Variants in ARL15 observed in about 807,000 individuals in gnomAD.
ARL15 encodes ADP-ribosylation factor-like protein 15.
ARL15 carries 19 observed loss-of-function variants against 25.2 expected under a neutral mutation model. The ratio of observed to expected loss-of-function variants is 0.75; its 90% confidence interval spans 0.53 to 1.10. ARL15 has a LOEUF of 1.10. ARL15 is among the 50% of genes least tolerant of loss of function. The pLI is 0.00. For missense variants in ARL15, 220 were observed against 246.0 expected (o/e 0.89, Z 0.71); for synonymous variants, 94 against 86.8 (o/e 1.08, Z -0.46).
intron 3 of ARL15, among the ~76,000 whole-genome samples, chr5:54,151,811 TG>T (rs1754077533): frequency 1.3e-5 from 2 of 152,154 alleles, no homozygotes; most frequent in Admixed American, 6.5e-5. Context: ...AAATAGATAA[TG>T]AGCACAGGTT....
At chr5:54,094,964 G>A (rs72750254) in intron 4 of ARL15, among the ~76,000 whole-genome samples, 9,431 of 152,292 alleles carry the variant, frequency 0.062, 415 homozygotes, top group Non-Finnish European at 0.09. Context: ...CTGACATAGA[G>A]ATGTGGCACA....
At chr5:54,182,440 T>C (rs1755087427) in intron 1 of ARL15, among the ~76,000 whole-genome samples, 1 of 150,976 alleles carries the variant, frequency 6.6e-6, no homozygotes, top group Non-Finnish European at 1.5e-5. Context: ...CTCAGGTTTG[T>C]CAAAGATCAG....
At chr5:53,972,142 T>C (rs1456311913) in intron 4 of ARL15, among the ~76,000 whole-genome samples, 1 of 152,082 alleles carries the variant, frequency 6.6e-6, no homozygotes, top group African/African-American at 2.4e-5. Context: ...CCTAATAAAT[T>C]TGGAAAGAGT....
At chr5:54,228,010 A>C (rs375294031) in intron 1 of ARL15, among the ~76,000 whole-genome samples, 102 of 152,320 alleles carry the variant, frequency 6.7e-4, no homozygotes, top group African/African-American at 2.3e-3. Context: ...CAAGAGAAAG[A>C]CAAGATAGAA....
At chr5:54,042,052 C>A (rs2111949504) in intron 4 of ARL15, among the ~76,000 whole-genome samples, 1 of 151,608 alleles carries the variant, frequency 6.6e-6, no homozygotes, top group South Asian at 2.1e-4. Flanking sequence ...CTCACCGCAA[C>A]CTCTGCCTCC....
rs974750914 is a variant in ARL15 at position 54,290,970 on chromosome 5, T to G, written c.48+19462A>C. Among the ~76,000 whole-genome samples the G allele has an allele frequency of 2.0e-5, 3 of 152,330 alleles. No homozygotes were observed. In the East Asian group the frequency reaches 5.8e-4, roughly 29 times the overall value. On this transcript the variant is annotated intron_variant, in intron 1 of 4. Transcript: ENST00000504924. Reference sequence around the variant, plus strand: ...TCAAAATATTCAAATGGCCAACCCCTTTTACTGAATCAGTACTTCTATATT... The same window carrying G: ...TCAAAATATTCAAATGGCCAACCCCGTTTACTGAATCAGTACTTCTATATT...
At chr5:54,029,152 C>G (rs1262070020) in intron 4 of ARL15, among the ~76,000 whole-genome samples, 1 of 152,118 alleles carries the variant, frequency 6.6e-6, no homozygotes, top group Non-Finnish European at 1.5e-5. Context: ...TTTACTTGCC[C>G]TATAACCTTG....
chr5:54,269,111 A>G (rs1757708600), intron 1 of ARL15, among the ~76,000 whole-genome samples: 1 of 152,112 alleles, frequency 6.6e-6, no homozygotes. Flanking sequence ...TAGGAGATAT[A>G]CCTAATGCTA....
At chr5:54,104,399 A>C (rs1407857725) in intron 4 of ARL15, among the ~76,000 whole-genome samples, 1 of 152,184 alleles carries the variant, frequency 6.6e-6, no homozygotes, top group Non-Finnish European at 1.5e-5. Context: ...GCGCCTGTTA[A>C]AATGTTTCAA....
At chr5:54,090,705 A>G (rs72750252) in intron 4 of ARL15, among the ~76,000 whole-genome samples, 15,034 of 152,158 alleles carry the variant, frequency 0.099, 966 homozygotes, top group Non-Finnish European at 0.15. Flanking sequence ...GGAGGGAGAG[A>G]GGAGGATAGG....
chr5:54,243,315 C>A (rs138698461), intron 1 of ARL15, among the ~76,000 whole-genome samples: 1 of 152,130 alleles, frequency 6.6e-6, no homozygotes, highest in Non-Finnish European at 1.5e-5. Context: ...TAGATGTAAT[C>A]TAGGAAAACT....
At position 53,961,371 on chromosome 5, in the gene ARL15, G is replaced by A. The variant is rs574416898; in HGVS notation, c.463-74658C>T. ...AAATTAGCCAGGTATGGTGGCACAC[G>A]CCTGTAGTCCCAGCTACTCGGGAGG... On this transcript the variant is annotated intron_variant, in intron 4 of 4. Transcript: ENST00000504924. 1.6e-3 allele frequency among the ~76,000 whole-genome samples: 248 copies of A among 151,816 alleles called. 2 individuals are homozygous for A. The highest frequency in any genetic ancestry group is 2.4e-3 in the Non-Finnish European group (161 of 67,912).
At chr5:54,099,407 CCG>C in intron 4 of ARL15, among the ~76,000 whole-genome samples, 1 of 152,028 alleles carries the variant, frequency 6.6e-6, no homozygotes, top group Non-Finnish European at 1.5e-5. Flanking sequence ...AAATTTCTGC[CCG>C]CAATACCACA....
chr5:54,101,452 C>A (rs1005226991), intron 4 of ARL15, among the ~76,000 whole-genome samples: 1 of 151,510 alleles, frequency 6.6e-6, no homozygotes, highest in Non-Finnish European at 1.5e-5. Context: ...ATTGCTTCAA[C>A]AAAATTATTT....
intron 2 of ARL15, among the ~76,000 whole-genome samples, chr5:54,170,043 T>C (rs780872605): frequency 5.9e-5 from 9 of 152,166 alleles, no homozygotes; most frequent in Non-Finnish European, 1.2e-4. Flanking sequence ...AAAGCTGACG[T>C]GAACTGAAGT....
At chr5:54,149,504 T>G (rs1475869014) in intron 3 of ARL15, among the ~76,000 whole-genome samples, 1 of 152,194 alleles carries the variant, frequency 6.6e-6, no homozygotes. Flanking sequence ...AGTGAGAGTA[T>G]GATCATTATA....
chr5:54,119,397 TG>T (rs907681487), intron 3 of ARL15, among the ~76,000 whole-genome samples: 3 of 152,096 alleles, frequency 2.0e-5, no homozygotes, highest in African/African-American at 7.2e-5. Context: ...CCCTTGAACT[TG>T]GATTTCCTAG....
At chr5:54,117,307 G>A (rs1752930213) in intron 3 of ARL15, among the ~76,000 whole-genome samples, 1 of 151,360 alleles carries the variant, frequency 6.6e-6, no homozygotes, top group African/African-American at 2.4e-5. Context: ...CTTTCAATGA[G>A]AAACTATGTT....
chr5:54,227,021 T>A (rs1254502856), intron 1 of ARL15, among the ~76,000 whole-genome samples: 1 of 152,186 alleles, frequency 6.6e-6, no homozygotes, highest in Non-Finnish European at 1.5e-5. Context: ...CCCTTGCTTT[T>A]CCCCCATGAT....
Sources: allele counts gnomAD v4.1 joint callset (sites outside exome capture counted in the v4.1 genomes callset), GRCh38; gene constraint gnomAD v4.1.1; transcripts MANE v1.5; gene names NCBI Gene and HGNC (gene_info 2026-07-23, HGNC 2026-07-21).